Variants in TRAPPC9 observed in about 807,000 individuals in gnomAD.
TRAPPC9 encodes the protein trafficking protein particle complex subunit 9.
In TRAPPC9, 83 loss-of-function variants were observed where a neutral mutation model predicts 124.0. The ratio of observed to expected loss-of-function variants is 0.67; its 90% CI spans 0.56 to 0.80. The LOEUF is 0.80. Ranked by LOEUF, TRAPPC9 falls within the 30% of genes least tolerant of loss-of-function variation. The pLI is 0.00. For missense variants in TRAPPC9, 1,302 were observed against 1,508.3 expected, an observed-to-expected ratio of 0.86 and a Z score of 2.27; for synonymous variants, 638 against 617.5, an observed-to-expected ratio of 1.03 and a Z score of -0.49.
chr8:140,448,017 C>T (rs1312028847), intron 2 of TRAPPC9, among the ~76,000 whole-genome samples: 8 of 151,852 alleles, frequency 5.3e-5, no homozygotes, highest in Non-Finnish European at 8.8e-5. Flanking sequence ...TGGTGGCGCA[C>T]GCCTGTAATC....
chr8:140,184,101 G>C (rs1005277758), intron 17 of TRAPPC9, among the ~76,000 whole-genome samples: 1 of 152,052 alleles, frequency 6.6e-6, no homozygotes, highest in Admixed American at 6.6e-5. Flanking sequence ...GGCTGAGAGT[G>C]GGGGCAGGGC....
intron 17 of TRAPPC9, chr8:140,095,733 A>G (rs1052608914): frequency 1.3e-5 from 2 of 152,276 alleles, no homozygotes; most frequent in Admixed American, 6.5e-5. Context: ...GGGTCTTGGG[A>G]GAGAGGAAAA....
At chr8:140,249,794 G>A (rs147658104) in intron 16 of TRAPPC9, among the ~76,000 whole-genome samples, 1 of 151,812 alleles carries the variant, frequency 6.6e-6, no homozygotes, top group Non-Finnish European at 1.5e-5. Context: ...ATTTTTAGTA[G>A]AGACGGGGTT....
At chr8:140,128,534 T>G (rs979352759) in intron 17 of TRAPPC9, among the ~76,000 whole-genome samples, 2 of 152,224 alleles carry the variant, frequency 1.3e-5, no homozygotes, top group Non-Finnish European at 2.9e-5. Flanking sequence ...AAAGTCTGGG[T>G]GAGGCAAATT....
chr8:140,276,730 A>C (rs930779942), intron 14 of TRAPPC9, among the ~76,000 whole-genome samples: 2 of 152,092 alleles, frequency 1.3e-5, no homozygotes, highest in Admixed American at 6.5e-5. Flanking sequence ...GGCATGTGAC[A>C]GGTGAGGTTA....
intron 21 of TRAPPC9, among the ~76,000 whole-genome samples, chr8:139,744,336 C>T (rs902447725): frequency 6.6e-6 from 1 of 152,160 alleles, no homozygotes; most frequent in Non-Finnish European, 1.5e-5. Flanking sequence ...AGTCCCCACC[C>T]CTCCCCACCC....
At chr8:140,281,070 T>C (rs1008527379) in intron 14 of TRAPPC9, among the ~76,000 whole-genome samples, 1 of 152,242 alleles carries the variant, frequency 6.6e-6, no homozygotes, top group African/African-American at 2.4e-5. Context: ...TTTCCAGTTT[T>C]CTGACTGTGA....
At chr8:140,069,952 C>G (rs1843071017) in intron 17 of TRAPPC9, among the ~76,000 whole-genome samples, 1 of 152,200 alleles carries the variant, frequency 6.6e-6, no homozygotes, top group Non-Finnish European at 1.5e-5. Flanking sequence ...TGTTCCAGCT[C>G]CAGGAGGGGA....
intron 17 of TRAPPC9, among the ~76,000 whole-genome samples, chr8:140,056,902 C>T (rs1473339809): frequency 1.3e-5 from 2 of 152,078 alleles, no homozygotes; most frequent in Non-Finnish European, 2.9e-5. Flanking sequence ...AAAATATTTG[C>T]AAACCATTTA....
chr8:139,886,339 A>C (rs1439634028), intron 20 of TRAPPC9, among the ~76,000 whole-genome samples: 1 of 152,346 alleles, frequency 6.6e-6, no homozygotes, highest in Admixed American at 6.5e-5. Flanking sequence ...AATACAACCC[A>C]TGAGTTCTTT....
At chr8:140,388,640 A>G (rs1230787297) in intron 7 of TRAPPC9, among the ~76,000 whole-genome samples, 1 of 151,754 alleles carries the variant, frequency 6.6e-6, no homozygotes, top group Non-Finnish European at 1.5e-5. Flanking sequence ...CTGAGATCAC[A>G]CCATTGCACT....
intron 21 of TRAPPC9, among the ~76,000 whole-genome samples, chr8:139,734,544 A>G (rs1448743053): frequency 6.6e-6 from 1 of 152,254 alleles, no homozygotes; most frequent in East Asian, 1.9e-4. Context: ...AGAGGCTGAT[A>G]GGTCAGACTG....
chr8:140,206,796 GT>G (rs2062930129), intron 17 of TRAPPC9, among the ~76,000 whole-genome samples: 1 of 151,104 alleles, frequency 6.6e-6, no homozygotes, highest in African/African-American at 2.5e-5. Context: ...GTTTCTCCTT[GT>G]TTTTGCTGAG....
At chr8:140,300,857 G>T (rs990305464) in intron 10 of TRAPPC9, among the ~76,000 whole-genome samples, 3 of 152,230 alleles carry the variant, frequency 2.0e-5, no homozygotes, top group Admixed American at 2.0e-4. Flanking sequence ...TCCCTCTGGG[G>T]ACTCCTGAAC....
intron 21 of TRAPPC9, among the ~76,000 whole-genome samples, chr8:139,872,053 T>C (rs562335358): frequency 6.6e-6 from 1 of 151,584 alleles, no homozygotes; most frequent in South Asian, 2.1e-4. Flanking sequence ...GATGGATGGA[T>C]GAGTGGGCTG....
chr8:139,830,775 T>A (rs1223962608), intron 21 of TRAPPC9, among the ~76,000 whole-genome samples: 1 of 152,180 alleles, frequency 6.6e-6, no homozygotes, highest in Non-Finnish European at 1.5e-5. Flanking sequence ...AACACCAGCC[T>A]CGGCTGCTGC....
At chr8:140,320,167 A>T (rs1178327346) in intron 9 of TRAPPC9, among the ~76,000 whole-genome samples, 1 of 152,206 alleles carries the variant, frequency 6.6e-6, no homozygotes, top group East Asian at 1.9e-4. Context: ...TTATAGAAAT[A>T]ATACCACAGT....
intron 15 of TRAPPC9, among the ~76,000 whole-genome samples, chr8:140,263,696 C>T (rs34856302): frequency 0.2 from 30,860 of 152,186 alleles, 3,580 homozygotes; most frequent in Middle Eastern, 0.4. Flanking sequence ...TGGTCACAGA[C>T]ACAAGTAACT....
chr8:139,907,273 C>T lies in TRAPPC9; in HGVS notation c.2964+2874G>A, dbSNP rs28620770. On this transcript the variant is annotated intron_variant, in intron 20 of 22. Coordinates refer to ENST00000438773, the MANE Select transcript of TRAPPC9 (RefSeq NM_001160372.4). This position sits in a 1 kb window ranked among gnomAD's most constrained non-coding sequence, Gnocchi z 4.7. ...GCAAGATCCCCAATTTCCTTTAAAA[C>T]GCATCTATCCAGACCCATGCGCTAC... Among the ~76,000 whole-genome samples, 20,194 of 152,134 alleles carry T rather than the reference C, an allele frequency of 0.13. 1,553 individuals are homozygous for T. Among genetic ancestry groups the T allele is most frequent in the Admixed American group, 0.18 (2,808 of 15,286 alleles).
Sources: allele counts gnomAD v4.1 joint callset (sites outside exome capture counted in the v4.1 genomes callset), GRCh38; gene constraint gnomAD v4.1.1; non-coding constraint Gnocchi (gnomAD v3.1); transcripts MANE v1.5; gene names NCBI Gene and HGNC (gene_info 2026-07-23, HGNC 2026-07-21).